The following SLC25A21 variants were observed in gnomAD, a reference collection of about 807,000 sequenced individuals.
SLC25A21 encodes mitochondrial 2-oxodicarboxylate carrier.
Under a neutral mutation model 43.8 loss-of-function variants are expected in SLC25A21, and 47 were observed. That is an observed-to-expected ratio of 1.07 (90% CI 0.85 to 1.37). The LOEUF is 1.37. SLC25A21 is among the 40% of genes most tolerant of loss of function. The probability of loss-of-function intolerance (pLI) is 0.00; values close to 1 mark genes in which losing one functional copy is unlikely to be tolerated. For missense variants in SLC25A21, 352 were observed against 350.2 expected (o/e 1.00, Z -0.04); for synonymous variants, 131 against 121.3 (o/e 1.08, Z -0.52).
At chr14:36,722,682 T>TG (rs1220759191) in intron 6 of SLC25A21, among the ~76,000 whole-genome samples, 1 of 152,238 alleles carries the variant, frequency 6.6e-6, no homozygotes, top group Non-Finnish European at 1.5e-5. Context: ...TTTTTAAATG[T>TG]AGCTACTAAA....
At chr14:36,769,392 C>T (rs1886536547) in intron 3 of SLC25A21, among the ~76,000 whole-genome samples, 1 of 152,128 alleles carries the variant, frequency 6.6e-6, no homozygotes, top group African/African-American at 2.4e-5. Flanking sequence ...AATAGCTCTT[C>T]AAGTATTGCT....
At chr14:36,890,248 T>C (rs1891038692) in intron 1 of SLC25A21, among the ~76,000 whole-genome samples, 1 of 152,170 alleles carries the variant, frequency 6.6e-6, no homozygotes. Context: ...CCAATCGTCA[T>C]GCATGTAAAG....
chr14:36,694,953 T>C, intron 7 of SLC25A21, among the ~76,000 whole-genome samples: 1 of 152,226 alleles, frequency 6.6e-6, no homozygotes, highest in East Asian at 1.9e-4. Flanking sequence ...TTGCCATTGC[T>C]TTTGGTGTTT....
chr14:36,932,615 G>A (rs1892322802), intron 1 of SLC25A21, among the ~76,000 whole-genome samples: 1 of 151,876 alleles, frequency 6.6e-6, no homozygotes, highest in Non-Finnish European at 1.5e-5. Context: ...CCATATTCAA[G>A]CCAAAATACA....
intron 1 of SLC25A21, among the ~76,000 whole-genome samples, chr14:37,002,723 A>C (rs980617821): frequency 6.9e-6 from 1 of 144,810 alleles, no homozygotes; most frequent in African/African-American, 2.7e-5. Context: ...AAACTGTACA[A>C]AACAGTGCTA....
At chr14:36,890,269 G>C (rs1043394645) in intron 1 of SLC25A21, among the ~76,000 whole-genome samples, 2 of 152,134 alleles carry the variant, frequency 1.3e-5, no homozygotes, top group Non-Finnish European at 2.9e-5. Context: ...TGTCATTTTT[G>C]TCTACTGACA....
chr14:36,715,831 T>C (rs1206629007), intron 6 of SLC25A21, among the ~76,000 whole-genome samples: 1 of 152,206 alleles, frequency 6.6e-6, no homozygotes, highest in East Asian at 1.9e-4. Flanking sequence ...CAGCAGCTCA[T>C]ACCTGTAATT....
At chr14:37,113,626 G>C (rs1778693500) in intron 1 of SLC25A21, among the ~76,000 whole-genome samples, 1 of 152,102 alleles carries the variant, frequency 6.6e-6, no homozygotes, top group African/African-American at 2.4e-5. Flanking sequence ...GGCTAAAGCA[G>C]GCAGATCACC....
intron 7 of SLC25A21, among the ~76,000 whole-genome samples, chr14:36,707,692 G>A (rs1883639419): frequency 6.6e-6 from 1 of 152,252 alleles, no homozygotes; most frequent in African/African-American, 2.4e-5. Context: ...CATGGCACAT[G>A]TTAGCACTGT....
chr14:36,850,539 T>C (rs712372), intron 2 of SLC25A21, among the ~76,000 whole-genome samples: 93,348 of 152,018 alleles, frequency 0.61, 29,329 homozygotes, highest in East Asian at 0.74. Flanking sequence ...TCCCAGAAAG[T>C]CACTTAATCA....
chr14:37,059,542 A>G (rs1466703764), intron 1 of SLC25A21, among the ~76,000 whole-genome samples: 3 of 152,206 alleles, frequency 2.0e-5, no homozygotes, highest in Non-Finnish European at 4.4e-5. Context: ...TATATAAAGG[A>G]GAATTGGGTT....
intron 1 of SLC25A21, among the ~76,000 whole-genome samples, chr14:36,994,130 T>G (rs1264989834): frequency 6.6e-6 from 1 of 152,204 alleles, no homozygotes. Context: ...CTCTGAGTGA[T>G]GATTAGTAAA....
chr14:36,689,596 G>T (rs1447051382), intron 7 of SLC25A21, among the ~76,000 whole-genome samples: 1 of 152,158 alleles, frequency 6.6e-6, no homozygotes, highest in Admixed American at 6.5e-5. Flanking sequence ...TAAGTGAAAT[G>T]ATTTCCACAC....
chr14:36,812,498 T>TA (rs1267540879), intron 3 of SLC25A21, among the ~76,000 whole-genome samples: 4 of 150,102 alleles, frequency 2.7e-5, no homozygotes, highest in Non-Finnish European at 4.4e-5. Flanking sequence ...TACTATATAT[T>TA]AAAATATATA....
intron 3 of SLC25A21, among the ~76,000 whole-genome samples, chr14:36,783,622 T>C (rs913200711): frequency 6.6e-6 from 1 of 152,288 alleles, no homozygotes; most frequent in African/African-American, 2.4e-5. Flanking sequence ...AGGGTCTCTT[T>C]TGGCACTGAG....
chr14:36,928,802 A>G (rs1044674935), intron 1 of SLC25A21, among the ~76,000 whole-genome samples: 1 of 152,192 alleles, frequency 6.6e-6, no homozygotes, highest in African/African-American at 2.4e-5. Context: ...TGGCTAAAAA[A>G]TCATTCTGAA....
At chr14:36,948,447 G>T (rs1892726064) in intron 1 of SLC25A21, among the ~76,000 whole-genome samples, 1 of 152,124 alleles carries the variant, frequency 6.6e-6, no homozygotes, top group Admixed American at 6.6e-5. Context: ...AGAGAAAACT[G>T]TTCTGTAGTA....
At chr14:37,068,945 C>A (rs1046314084) in intron 1 of SLC25A21, among the ~76,000 whole-genome samples, 2 of 152,066 alleles carry the variant, frequency 1.3e-5, no homozygotes, top group African/African-American at 2.4e-5. Context: ...GAGGTCGAGG[C>A]GGGCAGATAA....
chr14:36,892,601 GGTTA>G (rs748489134), intron 1 of SLC25A21, among the ~76,000 whole-genome samples: 22 of 152,034 alleles, frequency 1.4e-4, no homozygotes, highest in Non-Finnish European at 2.5e-4. Context: ...ACAATGTGCA[GGTTA>G]GTTACATATG....
Sources: allele counts gnomAD v4.1 joint callset (sites outside exome capture counted in the v4.1 genomes callset), GRCh38; gene constraint gnomAD v4.1.1; transcripts MANE v1.5; gene names NCBI Gene and HGNC (gene_info 2026-07-23, HGNC 2026-07-21).